Variants in ASAP1 observed in about 807,000 individuals in gnomAD.
ASAP1 encodes the protein arf-GAP with SH3 domain, ANK repeat and PH domain-containing protein 1.
A neutral mutation model predicts 145.2 loss-of-function variants in ASAP1; 43 were observed. The observed-to-expected ratio is 0.30, with a 90% CI of 0.23 to 0.38. ASAP1 has a LOEUF of 0.38. ASAP1 is among the 10% of genes least tolerant of loss of function. The pLI is 1.00. For missense variants in ASAP1, 1,018 were observed against 1,355.3 expected, an observed-to-expected ratio of 0.75 and a Z score of 3.91; for synonymous variants, 546 against 515.5, an observed-to-expected ratio of 1.06 and a Z score of -0.80.
chr8:130,149,463 T>C (rs910875418), intron 13 of ASAP1, among the ~76,000 whole-genome samples: 2 of 152,088 alleles, frequency 1.3e-5, no homozygotes, highest in Non-Finnish European at 2.9e-5. Context: ...TATTTCTCTT[T>C]AGAACAGTAA....
intron 25 of ASAP1, among the ~76,000 whole-genome samples, chr8:130,086,160 C>A (rs1243581621): frequency 1.3e-5 from 2 of 152,226 alleles, no homozygotes; most frequent in African/African-American, 4.8e-5. Flanking sequence ...GGCCAGTGGG[C>A]CTGCATTTTG....
chr8:130,101,855 G>A lies in ASAP1; in HGVS notation c.2402-9712C>T, dbSNP rs560549449. Among the ~76,000 whole-genome samples, 8 of 149,132 alleles carry A rather than the reference G, an allele frequency of 5.4e-5. No individual in the cohort carries two copies. The South Asian group carries it at 1.5e-3, about 28-fold the overall frequency. On this transcript the variant is annotated intron_variant, in intron 24 of 29. Coordinates refer to ENST00000518721, the MANE Select transcript of ASAP1 (RefSeq NM_018482.4). ...CCTAAAGTGCTGGGATTACAGGCAT[G>A]AAGCATCACACCCGGCTTTTTCTTG... is the stretch of plus-strand genomic sequence containing the variant.
At chr8:130,127,466 C>A (rs1333756955) in intron 16 of ASAP1, among the ~76,000 whole-genome samples, 2 of 152,208 alleles carry the variant, frequency 1.3e-5, no homozygotes, top group Non-Finnish European at 2.9e-5. Context: ...ATCCGCCCGC[C>A]TCAGCCTCCC....
At chr8:130,076,847 C>G (rs907600122) in intron 26 of ASAP1, among the ~76,000 whole-genome samples, 1 of 152,164 alleles carries the variant, frequency 6.6e-6, no homozygotes, top group African/African-American at 2.4e-5. Context: ...AAAGATTAGT[C>G]TATTTTCCAT....
rs938968955 is a variant in ASAP1, at chr8:130,054,554, T to C, written c.*177A>G. The C allele has an allele frequency of 5.3e-6, 3 of 563,522 alleles. No homozygotes were observed. The East Asian group carries it at 9.7e-5, about 18-fold the overall frequency. 34.9% of individuals were successfully genotyped at this position (563,522 alleles called of 1,614,324 possible). ...GCCGGGTCCGAGGCTACCCTCATAC[T>C]GGTGAAGGCAGAAAACCACAGGATA... On this transcript the variant is annotated 3_prime_UTR_variant, in exon 30 of 30. Transcript: ENST00000518721.
intron 24 of ASAP1, among the ~76,000 whole-genome samples, chr8:130,105,934 A>G (rs67434056): frequency 0.054 from 8,245 of 152,302 alleles, 260 homozygotes; most frequent in Admixed American, 0.096. Flanking sequence ...ACCAGGATTC[A>G]AGAGACTTAG....
chr8:130,282,187 A>T (rs1457829942), intron 3 of ASAP1, among the ~76,000 whole-genome samples: 3 of 152,176 alleles, frequency 2.0e-5, no homozygotes, highest in Non-Finnish European at 2.9e-5. Flanking sequence ...ATTTAATCAC[A>T]CTGTCAAAGC....
At chr8:130,126,727 A>G (rs1232881028) in intron 16 of ASAP1, among the ~76,000 whole-genome samples, 1 of 152,126 alleles carries the variant, frequency 6.6e-6, no homozygotes, top group Non-Finnish European at 1.5e-5. Flanking sequence ...CCATTTCCTG[A>G]CACTACGTGT....
At chr8:130,074,617 C>G (rs1453610700) in intron 27 of ASAP1, among the ~76,000 whole-genome samples, 1 of 152,112 alleles carries the variant, frequency 6.6e-6, no homozygotes, top group Non-Finnish European at 1.5e-5. Flanking sequence ...TGGAGGGACA[C>G]CTGCTGGAGT....
At chr8:130,081,275 G>A (rs567452105) in intron 25 of ASAP1, among the ~76,000 whole-genome samples, 3 of 152,270 alleles carry the variant, frequency 2.0e-5, no homozygotes, top group Admixed American at 6.5e-5. Flanking sequence ...GTCCAGGAGA[G>A]GGTCACAAGA....
intron 26 of ASAP1, 130 bp downstream of exon 26, chr8:130,079,772 T>C (rs922190613): frequency 2.3e-6 from 2 of 858,818 alleles, no homozygotes; most frequent in Non-Finnish European, 1.9e-6. Context: ...TGGTTTCTTG[T>C]TGTGGCCTGC....
intron 1 of ASAP1, among the ~76,000 whole-genome samples, chr8:130,416,738 C>A (rs546981919): frequency 6.6e-6 from 1 of 152,326 alleles, no homozygotes; most frequent in East Asian, 1.9e-4. Flanking sequence ...CTTAGGCTGC[C>A]ACCTAATGGA....
At position 130,116,941 on chromosome 8, in the gene ASAP1, A is replaced by G; in HGVS notation, c.1935T>C (p.Ser645=). 1 of 1,613,856 alleles carries G rather than the reference A, an allele frequency of 6.2e-7. No individual in the cohort carries two copies. Among genetic ancestry groups the G allele is most frequent in the East Asian group, 2.2e-5 (1 of 44,870 alleles). The stretch of plus-strand genomic sequence containing the variant: ...TCAAACACTCAGGTTTACTGTACAT[A>G]CTACAGTAGTGTAGAACTGTGTTTC... ...ALGNTVLHYC[S]MYSKPECLKL... The change falls in exon 21 of 30, where the codon AGT becomes AGC. Residue 645 remains serine (S), a synonymous_variant. Transcript: ENST00000518721.
intron 20 of ASAP1, 44 bp from the exon 21 acceptor site, chr8:130,117,039 A>C (rs1222846195): frequency 7.1e-7 from 1 of 1,403,986 alleles, no homozygotes; most frequent in Non-Finnish European, 9.9e-7. Flanking sequence ...CTTACTTTAT[A>C]ACTTAAAACT....
chr8:130,188,063 T>G, intron 6 of ASAP1, 46 bp downstream of exon 6: 1 of 1,343,962 alleles, frequency 7.4e-7, no homozygotes, highest in Non-Finnish European at 1.0e-6. Flanking sequence ...AAAAAAAAAA[T>G]TAATCCTTTC....
chr8:130,115,592 A>C, intron 23 of ASAP1, 36 bp downstream of exon 23: 2 of 1,480,706 alleles, frequency 1.4e-6, no homozygotes, highest in South Asian at 1.1e-5. Flanking sequence ...AAGTTGGGGT[A>C]GTTGTTGAGA....
chr8:130,262,125 G>A (rs981618652), intron 3 of ASAP1, among the ~76,000 whole-genome samples: 3 of 151,892 alleles, frequency 2.0e-5, no homozygotes, highest in South Asian at 2.1e-4. Flanking sequence ...GGCTGGGCGC[G>A]GTGGCTCACA....
intron 25 of ASAP1, 42 bp from the exon 26 acceptor site, chr8:130,080,013 G>T: frequency 6.4e-7 from 1 of 1,552,748 alleles, no homozygotes; most frequent in East Asian, 2.2e-5. Flanking sequence ...TCTTTAGATG[G>T]GGAAATGCAA....
rs576189470 is a variant in ASAP1, at chr8:130,150,608, G to T, written c.1080+2128C>A. 3.3e-5 allele frequency among the ~76,000 whole-genome samples: 5 copies of T among 152,366 alleles called. No individual in the cohort carries two copies. In the South Asian group the frequency reaches 1.0e-3, roughly 32 times the overall value. ...TGCATGGTAACGCTGGCCAGGTGCG[G>T]TGGCTCATGCCTGTAATCCCAGCAC... is the stretch of plus-strand genomic sequence containing the variant. On this transcript the variant is annotated intron_variant, in intron 13 of 29. Transcript: ENST00000518721.
Sources: allele counts gnomAD v4.1 joint callset (sites outside exome capture counted in the v4.1 genomes callset), GRCh38; gene constraint gnomAD v4.1.1; transcripts MANE v1.5; gene names NCBI Gene and HGNC (gene_info 2026-07-23, HGNC 2026-07-21).